The following ITIH2 variants were observed in gnomAD, a reference collection of about 807,000 sequenced individuals.
The protein encoded by ITIH2 is inter-alpha-trypsin inhibitor heavy chain 2.
A neutral mutation model predicts 104.4 loss-of-function variants in ITIH2; 103 were observed. The observed-to-expected ratio is 0.99, with a 90% CI of 0.84 to 1.16. The LOEUF is 1.16. ITIH2 is among the 50% of genes most tolerant of loss of function. The pLI is 0.00. For missense variants in ITIH2, 1,108 were observed against 1,162.4 expected, an observed-to-expected ratio of 0.95 and a Z score of 0.68; for synonymous variants, 436 against 435.4, an observed-to-expected ratio of 1.00 and a Z score of -0.02.
rs556814234 is a variant in ITIH2 at position 7,735,420 on chromosome 10, C to T, written c.1957+329C>T. Among the ~76,000 whole-genome samples the T allele has an allele frequency of 8.5e-5, 13 of 152,100 alleles. No homozygotes were observed. In the South Asian group the frequency reaches 2.5e-3, roughly 29 times the overall value. ...CTAAAGAAAAGTTTTTTTTCATTAGCTGGGTGTGATGGTGGGCACCTGTAA... is the reference window on the plus strand; with the variant it reads ...CTAAAGAAAAGTTTTTTTTCATTAGTTGGGTGTGATGGTGGGCACCTGTAA... On this transcript the variant is annotated intron_variant, in intron 15 of 20. Transcript: ENST00000358415.
At chr10:7,738,248 A>AATATTATATATTATATTCTAT (rs1564306129) in intron 15 of ITIH2, among the ~76,000 whole-genome samples, 3 of 114,906 alleles carry the variant, frequency 2.6e-5, no homozygotes, top group Non-Finnish European at 3.6e-5. Context: ...TATTCTATAT[A>AATATTATATATTATATTCTAT]ATATTATATA....
In ITIH2 at chr10:7,713,216, A is replaced by C; in HGVS notation, c.398A>C (p.Lys133Thr). 1 of 1,614,196 alleles carries C rather than the reference A, an allele frequency of 6.2e-7. No homozygotes were observed. The highest frequency in any genetic ancestry group is 8.5e-7 in the Non-Finnish European group (1 of 1,180,026). Reference protein sequence around the residue: ...VDGKTFRSSIKEKTVGRALYA... With the variant: ...VDGKTFRSSITEKTVGRALYA... ...GGCAAGACATTTAGGAGCTCTATTA[A>C]GGAGAAAACTGTGGGCCGAGCTCTT... Residue 133 changes from lysine (K) to threonine (T), a missense_variant, in exon 5 of 21, where the codon AAG becomes ACG. Lys to Thr is a moderately conservative substitution (Grantham distance 78, BLOSUM62 -1). Coordinates refer to ENST00000358415, the MANE Select transcript of ITIH2 (RefSeq NM_002216.3).
Position 7,713,160 on chromosome 10 carries a change from T to G in ITIH2, c.363-21T>G. 4 of 1,570,086 alleles carry G rather than the reference T, an allele frequency of 2.5e-6. No individual in the cohort carries two copies. The Admixed American group carries it at 7.0e-5, about 27-fold the overall frequency. ...AAAGATTACTATTCTGACCAACTGG[T>G]TACCTTCTGTCATTTTCTAGGACTG... On this transcript the variant is annotated intron_variant, in intron 4 of 20. Transcript: ENST00000358415.
At chr10:7,710,659 T>C (rs1357345664) in intron 4 of ITIH2, among the ~76,000 whole-genome samples, 9 of 152,202 alleles carry the variant, frequency 5.9e-5, no homozygotes, top group Non-Finnish European at 1.0e-4. Flanking sequence ...CTGCCGAAAG[T>C]GGCAGTCATG....
chr10:7,718,005 A>T (rs979668303), intron 6 of ITIH2, among the ~76,000 whole-genome samples: 1 of 152,064 alleles, frequency 6.6e-6, no homozygotes, highest in African/African-American at 2.4e-5. Context: ...GTGGTTTCTG[A>T]GGTCTGCTAT....
chr10:7,717,890 C>A, intron 6 of ITIH2, 102 bp downstream of exon 6: 2 of 1,162,408 alleles, frequency 1.7e-6, no homozygotes, highest in Non-Finnish European at 2.5e-6. Context: ...GTGTTGGATG[C>A]CACTCAACTC....
chr10:7,724,309 G>A (rs368432782), intron 9 of ITIH2, among the ~76,000 whole-genome samples: 1 of 152,100 alleles, frequency 6.6e-6, no homozygotes, highest in African/African-American at 2.4e-5. Context: ...AGTGGCTCAC[G>A]CCTGTAATCC....
intron 16 of ITIH2, among the ~76,000 whole-genome samples, chr10:7,740,253 C>A (rs1003118813): frequency 3.9e-5 from 6 of 152,162 alleles, no homozygotes; most frequent in African/African-American, 1.4e-4. Flanking sequence ...TAGGGCTTAT[C>A]TCTAAAATTA....
In ITIH2 at chr10:7,718,012, C is replaced by A. The variant is rs191792474; in HGVS notation, c.630+224C>A. On this transcript the variant is annotated intron_variant, in intron 6 of 20. Coordinates refer to ENST00000358415, the MANE Select transcript of ITIH2 (RefSeq NM_002216.3). The stretch of plus-strand genomic sequence containing the variant: ...GTATTATGGTGGTTTCTGAGGTCTG[C>A]TATAACAAGTTACAGCAAACGCCAC... Among the ~76,000 whole-genome samples the A allele has an allele frequency of 2.9e-4, 44 of 152,228 alleles. No individual in the cohort carries two copies. In the East Asian group the frequency reaches 7.5e-3, roughly 26 times the overall value.
chr10:7,738,796 G>A, intron 16 of ITIH2, 38 bp downstream of exon 16: 1 of 1,532,094 alleles, frequency 6.5e-7, no homozygotes, highest in Non-Finnish European at 8.8e-7. Flanking sequence ...CCAGAACTCA[G>A]CCGACCATAA....
rs1315042891 is a variant in ITIH2, at chr10:7,749,378, C to T, written c.*44C>T. The T allele has an allele frequency of 1.3e-6, 2 of 1,494,776 alleles. No individual in the cohort carries two copies. Among genetic ancestry groups the T allele is most frequent in the African/African-American group, 2.8e-5 (2 of 71,854 alleles). The allele number at this position is 1,494,776 out of a possible 1,614,324, so 92.6% of individuals were successfully genotyped here. The stretch of plus-strand genomic sequence containing the variant: ...ATTATATATATTAATATACATCTTT[C>T]CCCTGTCACTTTTGCAGATATTCTT... On this transcript the variant is annotated 3_prime_UTR_variant, in exon 21 of 21. Coordinates refer to ENST00000358415, the MANE Select transcript of ITIH2 (RefSeq NM_002216.3).
intron 4 of ITIH2, 25 bp from the exon 5 acceptor site, chr10:7,713,156 C>A: frequency 1.3e-6 from 2 of 1,549,746 alleles, no homozygotes; most frequent in Non-Finnish European, 1.8e-6. Flanking sequence ...TTCTGACCAA[C>A]TGGTTACCTT....
rs530159598 is a variant in ITIH2, at chr10:7,727,691, C to T, written c.1154-12C>T. The stretch of plus-strand genomic sequence containing the variant: ...AACGCATACCCAACGTTTCATTATG[C>T]TACTTCAACAGGCACAAACATCAAC... On this transcript the variant is annotated splice_polypyrimidine_tract_variant and intron_variant, in intron 10 of 20. Transcript: ENST00000358415. 4 of 1,613,610 alleles carry T rather than the reference C, an allele frequency of 2.5e-6. No individual in the cohort carries two copies. The highest frequency in any genetic ancestry group is 1.7e-5 in the Admixed American group (1 of 59,982).
chr10:7,733,370 A>C (rs765200786), intron 14 of ITIH2, among the ~76,000 whole-genome samples: 28 of 152,196 alleles, frequency 1.8e-4, no homozygotes, highest in Non-Finnish European at 3.4e-4. Flanking sequence ...TGCTGGGATT[A>C]CAGGCATGAG....
At chr10:7,749,073 G>C in intron 20 of ITIH2, 114 bp from the exon 21 acceptor site, 1 of 1,009,684 alleles carries the variant, frequency 9.9e-7, no homozygotes, top group Non-Finnish European at 1.5e-6. Flanking sequence ...AGCGATAGGT[G>C]GGGGGCGGCA....
chr10:7,703,995 G>A (rs1834722045), intron 1 of ITIH2, among the ~76,000 whole-genome samples: 1 of 152,214 alleles, frequency 6.6e-6, no homozygotes, highest in Admixed American at 6.5e-5. Flanking sequence ...TAAGTGAACA[G>A]TGATATTTGT....
chr10:7,713,447 T>G, intron 5 of ITIH2, 162 bp downstream of exon 5: 1 of 597,152 alleles, frequency 1.7e-6, no homozygotes, highest in East Asian at 2.8e-5. Flanking sequence ...CAGTTTCTAT[T>G]CGCCTAAAGG....
chr10:7,717,493 C>A, intron 5 of ITIH2, 133 bp from the exon 6 acceptor site: 2 of 737,848 alleles, frequency 2.7e-6, no homozygotes, highest in Non-Finnish European at 2.3e-6. Context: ...CTCTAGTGTA[C>A]CTACTGTTCA....
At position 7,721,012 on chromosome 10, in the gene ITIH2, G is replaced by A. The variant is rs576827682; in HGVS notation, c.738+49G>A. 7 of 1,139,182 alleles carry A rather than the reference G, an allele frequency of 6.1e-6. No homozygotes were observed. In the South Asian group the frequency reaches 7.4e-5, roughly 12 times the overall value. The allele number at this position is 1,139,182 out of a possible 1,614,324, so 70.6% of individuals were successfully genotyped here. On this transcript the variant is annotated intron_variant, in intron 7 of 20. Transcript: ENST00000358415. ...CAGGCATTCACAGGGCCTCTGGATT[G>A]TGGGTTCTGTTCTCCTTCTGTGCTC...
Sources: gnomAD v4.1 joint callset for allele counts (sites outside exome capture counted in the v4.1 genomes callset) on GRCh38, gnomAD v4.1.1 for gene constraint, MANE v1.5 for transcripts, NCBI Gene and HGNC (gene_info 2026-07-23, HGNC 2026-07-21) for gene names.